Variants in EPM2A observed in about 807,000 individuals in gnomAD.
The protein encoded by EPM2A is EPM2A glucan phosphatase, laforin, also known as laforin.
EPM2A carries 21 observed loss-of-function variants against 26.5 expected under a neutral mutation model. The ratio of observed to expected loss-of-function variants is 0.79; its 90% confidence interval spans 0.56 to 1.14. EPM2A has a LOEUF of 1.14. Among genes scored for constraint, EPM2A ranks in the 50% most tolerant of loss-of-function variants. The pLI, the probability that EPM2A is intolerant of heterozygous loss-of-function variation, is 0.00. For missense variants in EPM2A, 458 were observed against 440.8 expected, an observed-to-expected ratio of 1.04 and a Z score of -0.35; for synonymous variants, 217 against 177.6, an observed-to-expected ratio of 1.22 and a Z score of -1.76.
rs377573408 is a variant in EPM2A at position 145,492,057 on chromosome 6, CTT to C, written c.555+10463_555+10464del. On this transcript the variant is annotated intron_variant, in intron 4 of 4. Transcript: ENST00000638717. ...GGATCATCTGATGATGTTCAGGAAACTTTTGAAAACATTTCATCCTCTCTTCA... is the reference window on the plus strand; with the variant it reads ...GGATCATCTGATGATGTTCAGGAAACTTGAAAACATTTCATCCTCTCTTCA... 1.5e-3 allele frequency: 418 copies of C among 288,072 alleles called. 3 individuals are homozygous for C. Among genetic ancestry groups the C allele is most frequent in the African/African-American group, 9.2e-3 (399 of 43,524 alleles). 17.8% of individuals were successfully genotyped at this position (288,072 alleles called of 1,614,324 possible). A position where few individuals can be genotyped will look rare whatever the true frequency, so the allele number is the denominator to read the frequency against.
intron 2 of EPM2A, chr6:145,641,266 G>T (rs1471205037): frequency 6.6e-6 from 1 of 152,188 alleles, no homozygotes; most frequent in African/African-American, 2.4e-5. Flanking sequence ...CTACAGAGGT[G>T]ATCAAGTTAA....
intron 4 of EPM2A, among the ~76,000 whole-genome samples, chr6:145,402,113 T>C (rs1448735897): frequency 8.5e-5 from 13 of 152,134 alleles, no homozygotes; most frequent in Non-Finnish European, 1.9e-4. Flanking sequence ...AAAATACTTC[T>C]TAATTGCAAA....
Position 145,591,397 on chromosome 6 carries a change from A to G in EPM2A, c.340+43848T>C, listed in dbSNP as rs540444320. 1.8e-3 allele frequency among the ~76,000 whole-genome samples: 270 copies of G among 152,268 alleles called. 1 individual carries two copies. The highest frequency in any genetic ancestry group is 6.2e-3 in the African/African-American group (257 of 41,574). On this transcript the variant is annotated intron_variant, in intron 2 of 3. Coordinates refer to the EPM2A transcript ENST00000450221. ...GCTAAATAGCAAAATGCCTACATGTAGACAGATCATCTTCAACTCTAGAAA... is the reference window on the plus strand; with the variant it reads ...GCTAAATAGCAAAATGCCTACATGTGGACAGATCATCTTCAACTCTAGAAA...
chr6:145,632,646 T>A (rs1776352226), intron 3 of EPM2A, among the ~76,000 whole-genome samples: 1 of 152,212 alleles, frequency 6.6e-6, no homozygotes, highest in African/African-American at 2.4e-5. Context: ...GCGGTGACAG[T>A]CAAGCCTAAC....
chr6:145,399,968 T>C lies in EPM2A; in HGVS notation c.556-15871A>G, dbSNP rs185678484. Reference sequence around the variant, plus strand: ...AAAATGTTTATGTTCTGTATAACTATTACAAATTTGTAACTGAAACCAAGA... The same window carrying C: ...AAAATGTTTATGTTCTGTATAACTACTACAAATTTGTAACTGAAACCAAGA... On this transcript the variant is annotated intron_variant, in intron 4 of 4. Coordinates refer to the EPM2A transcript ENST00000638717. Among the ~76,000 whole-genome samples, 325 of 152,326 alleles carry C rather than the reference T, an allele frequency of 2.1e-3. 3 individuals carry two copies. The highest frequency in any genetic ancestry group is 7.2e-3 in the African/African-American group (301 of 41,584).
Position 145,597,990 on chromosome 6 carries a change from T to C in EPM2A, c.340+37255A>G, listed in dbSNP as rs146864400. 4.7e-3 allele frequency among the ~76,000 whole-genome samples: 709 copies of C among 152,334 alleles called. 26 individuals carry two copies. In the East Asian group the frequency reaches 0.085, roughly 18 times the overall value. On this transcript the variant is annotated intron_variant, in intron 2 of 3. Coordinates refer to the EPM2A transcript ENST00000450221. The stretch of plus-strand genomic sequence containing the variant: ...AGTCTGTCACTGATGGGCAGTTAGG[T>C]TGATTCCATGTCTTTGCTATTGCAA...
At chr6:145,715,981 G>A (rs1380621668) in intron 1 of EPM2A, among the ~76,000 whole-genome samples, 2 of 152,112 alleles carry the variant, frequency 1.3e-5, no homozygotes, top group Non-Finnish European at 2.9e-5. Flanking sequence ...CACCTCCCCA[G>A]TCCATGGAAA....
intron 4 of EPM2A, among the ~76,000 whole-genome samples, chr6:145,464,318 T>A (rs565722058): frequency 6.6e-6 from 1 of 152,268 alleles, no homozygotes; most frequent in East Asian, 1.9e-4. Flanking sequence ...TGCAGAGCTG[T>A]AAGTCAATTA....
intron 4 of EPM2A, among the ~76,000 whole-genome samples, chr6:145,436,172 A>G (rs1189654938): frequency 6.6e-6 from 1 of 152,176 alleles, no homozygotes; most frequent in Non-Finnish European, 1.5e-5. Flanking sequence ...AGCATGTATC[A>G]GCCCTTCATT....
chr6:145,694,860 C>T (rs1332138209), intron 1 of EPM2A, among the ~76,000 whole-genome samples: 1 of 151,870 alleles, frequency 6.6e-6, no homozygotes. Flanking sequence ...AATACAGTTC[C>T]TGAGATAAAG....
intron 2 of EPM2A, among the ~76,000 whole-genome samples, chr6:145,512,171 T>G (rs772828590): frequency 1.3e-5 from 2 of 152,026 alleles, no homozygotes; most frequent in Non-Finnish European, 2.9e-5. Flanking sequence ...TCAATATCAC[T>G]CAAATGACCA....
chr6:145,515,403 T>A lies in EPM2A; in HGVS notation c.341-12828A>T, dbSNP rs563566657. On this transcript the variant is annotated intron_variant, in intron 2 of 3. Coordinates refer to the EPM2A transcript ENST00000450221. ...TCTTAGCCTGTTTGGTCTTCTGTAG[T>A]AGAATACTACAGACTGAGTGGCTTA... Among the ~76,000 whole-genome samples, 53 of 152,302 alleles carry A rather than the reference T, an allele frequency of 3.5e-4. No individual in the cohort carries two copies. The South Asian group carries it at 0.01, about 30-fold the overall frequency.
chr6:145,494,851 CTGTT>C (rs1260905274), intron 4 of EPM2A, among the ~76,000 whole-genome samples: 3 of 152,090 alleles, frequency 2.0e-5, no homozygotes, highest in South Asian at 2.1e-4. Context: ...CTCAGAGAGA[CTGTT>C]TGTTTTGATT....
intron 4 of EPM2A, among the ~76,000 whole-genome samples, chr6:145,455,354 T>G (rs1256908485): frequency 1.3e-5 from 2 of 152,070 alleles, no homozygotes; most frequent in Non-Finnish European, 2.9e-5. Context: ...AATATACAAC[T>G]AAAAAAATTT....
chr6:145,401,585 G>T (rs1392516705), intron 4 of EPM2A, among the ~76,000 whole-genome samples: 3 of 152,082 alleles, frequency 2.0e-5, no homozygotes, highest in Non-Finnish European at 4.4e-5. Flanking sequence ...AATTTAAGAT[G>T]GGACTGACAT....
At chr6:145,536,101 C>G (rs985244852) in intron 2 of EPM2A, among the ~76,000 whole-genome samples, 1 of 152,174 alleles carries the variant, frequency 6.6e-6, no homozygotes, top group Non-Finnish European at 1.5e-5. Flanking sequence ...TTCTTTGTAG[C>G]CTATTGGCTT....
At chr6:145,465,219 T>C (rs1562345561) in intron 4 of EPM2A, among the ~76,000 whole-genome samples, 1 of 152,136 alleles carries the variant, frequency 6.6e-6, no homozygotes, top group Non-Finnish European at 1.5e-5. Context: ...CTTCATTTCA[T>C]TCATCTTCCA....
At chr6:145,458,609 G>A (rs1779291673) in intron 4 of EPM2A, among the ~76,000 whole-genome samples, 1 of 152,104 alleles carries the variant, frequency 6.6e-6, no homozygotes, top group African/African-American at 2.4e-5. Context: ...TAGATACATT[G>A]TGAGAAAGTG....
chr6:145,482,580 T>C (rs1779623556), intron 4 of EPM2A, among the ~76,000 whole-genome samples: 1 of 152,110 alleles, frequency 6.6e-6, no homozygotes, highest in Admixed American at 6.6e-5. Flanking sequence ...AATCTTTATT[T>C]GGACAAAATG....
Sources: allele counts gnomAD v4.1 joint callset (sites outside exome capture counted in the v4.1 genomes callset), GRCh38; gene constraint gnomAD v4.1.1; transcripts MANE v1.5; gene names NCBI Gene and HGNC (gene_info 2026-07-23, HGNC 2026-07-21).